Variants in SPRED2 observed in about 807,000 individuals in gnomAD.
SPRED2 encodes sprouty-related, EVH1 domain-containing protein 2.
Under a neutral mutation model 43.0 loss-of-function variants are expected in SPRED2, and 47 were observed. That is an observed-to-expected ratio of 1.09 (90% CI 0.87 to 1.40). The LOEUF (loss-of-function observed/expected upper bound fraction) is 1.40. Ranked by LOEUF, SPRED2 falls within the 40% of genes most tolerant of loss-of-function variation. The probability of loss-of-function intolerance (pLI) is 0.00; values close to 1 mark genes in which losing one functional copy is unlikely to be tolerated. For missense variants in SPRED2, 561 were observed against 586.4 expected (o/e 0.96, Z 0.45); for synonymous variants, 225 against 225.7 (o/e 1.00, Z 0.03).
chr2:65,403,938 C>G (rs1437836726), intron 1 of SPRED2, among the ~76,000 whole-genome samples: 1 of 152,192 alleles, frequency 6.6e-6, no homozygotes, highest in African/African-American at 2.4e-5. Context: ...GGTGTGGTGG[C>G]TCACTCCTGT....
intron 3 of SPRED2, chr2:65,332,336 A>C (rs1673837665): frequency 3.6e-6 from 1 of 277,124 alleles, no homozygotes; most frequent in South Asian, 4.0e-5. Context: ...ACTGTGGAGG[A>C]GGTGAGGGGA....
chr2:65,348,655 T>G (rs1674420758), intron 1 of SPRED2, among the ~76,000 whole-genome samples: 1 of 151,616 alleles, frequency 6.6e-6, no homozygotes, highest in Non-Finnish European at 1.5e-5. Flanking sequence ...GTACAAAAAA[T>G]TAGCTGGGCT....
intron 2 of SPRED2, among the ~76,000 whole-genome samples, chr2:65,342,277 C>CGTATATTATGTAT: frequency 7.6e-6 from 1 of 132,092 alleles, no homozygotes; most frequent in African/African-American, 2.9e-5. Context: ...ATTTTGTATA[C>CGTATATTATGTAT]GTATATTATG....
chr2:65,309,806 G>A (rs144926738), downstream of SPRED2, among the ~76,000 whole-genome samples: 36 of 152,256 alleles, frequency 2.4e-4, no homozygotes, highest in South Asian at 1.2e-3. Flanking sequence ...GCCTGAGGGC[G>A]CCCCAGAGAA....
At position 65,313,792 on chromosome 2, in the gene SPRED2, G is replaced by A; in HGVS notation, c.966C>T (p.Arg322=). 1 of 1,614,082 alleles carries A rather than the reference G, an allele frequency of 6.2e-7. No individual in the cohort carries two copies. Among genetic ancestry groups the A allele is most frequent in the East Asian group, 2.2e-5 (1 of 44,878 alleles). Residue 322 remains arginine (R), a synonymous_variant, in exon 6 of 6, where the codon CGC becomes CGT. Transcript: ENST00000356388. The part of the protein sequence containing the change: ...CRDMFNHEEN[R]RGHCQDAPDS... ...CGGGCGCGTCCTGGCAGTGGCCCCG[G>A]CGGTTCTCCTCGTGGTTGAACATGT...
chr2:65,342,162 A>G (rs1261883690), intron 2 of SPRED2, among the ~76,000 whole-genome samples: 4 of 149,236 alleles, frequency 2.7e-5, no homozygotes, highest in Non-Finnish European at 4.4e-5. Flanking sequence ...TATATTTTAT[A>G]TACATATATT....
chr2:65,409,691 CAAAAAAAA>C (rs59225849), intron 1 of SPRED2, among the ~76,000 whole-genome samples: 4 of 90,228 alleles, frequency 4.4e-5, no homozygotes, highest in Non-Finnish European at 6.3e-5. Context: ...CAGTTTCCTG[CAAAAAAAA>C]AAAAAAAAAA....
intron 1 of SPRED2, among the ~76,000 whole-genome samples, chr2:65,375,888 G>A (rs958309416): frequency 3.3e-5 from 5 of 152,192 alleles, no homozygotes; most frequent in South Asian, 2.1e-4. Flanking sequence ...AGAATGTGTG[G>A]AGTGTGAAGA....
Position 65,344,818 on chromosome 2 carries a change from T to C in SPRED2, c.105A>G (p.Gly35=). Residue 35 remains glycine (G), a synonymous_variant, in exon 2 of 6, where the codon GGA becomes GGG. Transcript: ENST00000356388. The part of the protein sequence containing the change: ...DSSGGWFPQE[G]GGISRVGVCK... ...AGACCCCGACGCGACTGATCCCGCC[T>C]CCTTCCTGTGGGAACCATCCCCCGC... The C allele has an allele frequency of 6.2e-7, 1 of 1,614,134 alleles. No individual in the cohort carries two copies. The highest frequency in any genetic ancestry group is 8.5e-7 in the Non-Finnish European group (1 of 1,180,024).
intron 4 of SPRED2, among the ~76,000 whole-genome samples, chr2:65,317,460 C>G (rs374736810): frequency 1.3e-5 from 2 of 152,108 alleles, no homozygotes; most frequent in East Asian, 3.9e-4. Context: ...CTGCAGTGAG[C>G]CAAGACTGAG....
chr2:65,331,658 AT>A (rs1673815849), intron 4 of SPRED2, among the ~76,000 whole-genome samples: 1 of 152,216 alleles, frequency 6.6e-6, no homozygotes, highest in South Asian at 2.1e-4. Context: ...GACTAGGGAC[AT>A]TTTGTGCTAA....
intron 1 of SPRED2, among the ~76,000 whole-genome samples, chr2:65,416,609 A>G (rs569499156): frequency 2.2e-4 from 34 of 152,236 alleles, no homozygotes; most frequent in Non-Finnish European, 2.9e-4. Flanking sequence ...AGAGAAGGAA[A>G]TTTTTTAAAA....
At chr2:65,341,523 A>C (rs1384278672) in intron 2 of SPRED2, among the ~76,000 whole-genome samples, 1 of 152,156 alleles carries the variant, frequency 6.6e-6, no homozygotes, top group East Asian at 1.9e-4. Flanking sequence ...TTGATTTTGC[A>C]AAGAAATGAG....
At chr2:65,377,676 A>G (rs1289323855) in intron 1 of SPRED2, 1 of 471,180 alleles carries the variant, frequency 2.1e-6, no homozygotes, top group African/African-American at 2.0e-5. Flanking sequence ...AAGACTGCAT[A>G]GAGCCATCTG....
chr2:65,317,821 A>G (rs17755105), intron 4 of SPRED2, among the ~76,000 whole-genome samples: 17,853 of 152,124 alleles, frequency 0.12, 1,529 homozygotes, highest in Non-Finnish European at 0.18. Context: ...AGTGAGATGG[A>G]TGACTGCATA....
At chr2:65,380,514 T>C (rs1320563079) in intron 1 of SPRED2, 1 of 152,234 alleles carries the variant, frequency 6.6e-6, no homozygotes, top group Non-Finnish European at 1.5e-5. Flanking sequence ...ATCCTTACTG[T>C]TAGTTAAACA....
chr2:65,311,947 C>T lies in SPRED2; in HGVS notation c.*1554G>A. On this transcript the variant is annotated 3_prime_UTR_variant, in exon 6 of 6. Coordinates refer to ENST00000356388, the MANE Select transcript of SPRED2 (RefSeq NM_181784.3). ...AGGAGTGGGGAAAGGGAGTGGGGAG[C>T]AGGCCATGTCTTCTGCTGGCCGCTA... 1.0e-6 allele frequency: 1 copy of T among 985,292 alleles called. No individual in the cohort carries two copies. Among genetic ancestry groups the T allele is most frequent in the Non-Finnish European group, 1.2e-6 (1 of 829,926 alleles). 61.0% of individuals were successfully genotyped at this position (985,292 alleles called of 1,614,324 possible).
chr2:65,411,152 C>G (rs910047725), intron 1 of SPRED2, among the ~76,000 whole-genome samples: 15 of 152,334 alleles, frequency 9.8e-5, no homozygotes, highest in African/African-American at 3.4e-4. Context: ...TTTCCACGTA[C>G]CAGGTGCTGT....
At chr2:65,343,467 G>T (rs1435955961) in intron 2 of SPRED2, among the ~76,000 whole-genome samples, 1 of 152,092 alleles carries the variant, frequency 6.6e-6, no homozygotes, top group Non-Finnish European at 1.5e-5. Context: ...GCAAAAGAAG[G>T]TTAAATTTGT....
Sources: gnomAD v4.1 joint callset for allele counts (sites outside exome capture counted in the v4.1 genomes callset) on GRCh38, gnomAD v4.1.1 for gene constraint, MANE v1.5 for transcripts, NCBI Gene and HGNC (gene_info 2026-07-23, HGNC 2026-07-21) for gene names.